Variants in VGLL4 observed in about 807,000 individuals in gnomAD.
VGLL4 encodes the protein transcription cofactor vestigial-like protein 4.
VGLL4 carries 7 observed loss-of-function variants against 21.0 expected under a neutral mutation model. That is an observed-to-expected ratio of 0.33 (90% CI 0.19 to 0.63). VGLL4 has a LOEUF of 0.63. VGLL4 is among the 20% of genes least tolerant of loss of function. VGLL4 has a pLI of 0.78. For missense variants in VGLL4, 394 were observed against 425.7 expected, an observed-to-expected ratio of 0.93 and a Z score of 0.66; for synonymous variants, 222 against 173.2, an observed-to-expected ratio of 1.28 and a Z score of -2.21.
intron 1 of VGLL4, among the ~76,000 whole-genome samples, chr3:11,609,380 A>G (rs2075012666): frequency 6.6e-6 from 1 of 152,232 alleles, no homozygotes; most frequent in Non-Finnish European, 1.5e-5. Context: ...CAATCAACTA[A>G]CAAAATTTTT....
intron 1 of VGLL4, among the ~76,000 whole-genome samples, chr3:11,632,202 A>G (rs1028634575): frequency 6.6e-6 from 1 of 152,154 alleles, no homozygotes; most frequent in Non-Finnish European, 1.5e-5. Flanking sequence ...AGTCCCAGCT[A>G]CTTGGGAGGC....
chr3:11,594,666 T>C (rs2074589168), intron 2 of VGLL4, among the ~76,000 whole-genome samples: 1 of 152,224 alleles, frequency 6.6e-6, no homozygotes, highest in Non-Finnish European at 1.5e-5. Flanking sequence ...TTTAATTCTA[T>C]TACAAATACA....
chr3:11,574,611 A>G (rs1375085505), intron 2 of VGLL4, among the ~76,000 whole-genome samples: 2 of 152,204 alleles, frequency 1.3e-5, no homozygotes, highest in African/African-American at 4.8e-5. Context: ...GCAGTTAACA[A>G]TAATACACTA....
rs182581771 is a variant in VGLL4 at position 11,650,104 on chromosome 3, T to A, written c.65-48082A>T. On this transcript the variant is annotated intron_variant, in intron 2 of 5. Transcript: ENST00000273038. ...ACCGTGTCTGGCTAACTTTTTTTTT[T>A]AATCATTTTTTGTAGAGACAGGTTC... Among the ~76,000 whole-genome samples, 58 of 152,160 alleles carry A rather than the reference T, an allele frequency of 3.8e-4. No homozygotes were observed. The South Asian group carries it at 8.1e-3, about 21-fold the overall frequency.
In VGLL4 at chr3:11,556,904, T is replaced by C. The variant is rs9881151; in HGVS notation, c.*1652A>G. On this transcript the variant is annotated 3_prime_UTR_variant, in exon 5 of 5. Transcript: ENST00000430365. ...GAGAAGGGCTTTTCTTTCCTCCACTTTTCAAAGGCCTGCAGCCACTCTGTG... is the reference window on the plus strand; with the variant it reads ...GAGAAGGGCTTTTCTTTCCTCCACTCTTCAAAGGCCTGCAGCCACTCTGTG... 0.025 allele frequency: 3,781 copies of C among 152,820 alleles called. 61 individuals are homozygous for C. Among genetic ancestry groups the C allele is most frequent in the Middle Eastern group, 0.044 (13 of 294 alleles). The allele number at this position is 152,820 out of a possible 1,614,324, so 9.5% of individuals were successfully genotyped here. A position where few individuals can be genotyped will look rare whatever the true frequency, so the allele number is the denominator to read the frequency against.
intron 2 of VGLL4, among the ~76,000 whole-genome samples, chr3:11,658,933 A>G (rs1575502888): frequency 6.6e-6 from 1 of 152,170 alleles, no homozygotes; most frequent in South Asian, 2.1e-4. Flanking sequence ...AGAAACATCC[A>G]ACATAGGTAC....
intron 2 of VGLL4, among the ~76,000 whole-genome samples, chr3:11,701,818 G>T (rs1229440402): frequency 6.6e-6 from 1 of 152,098 alleles, no homozygotes; most frequent in Non-Finnish European, 1.5e-5. Flanking sequence ...AAATTTTTTT[G>T]TTGTTATTAA....
intron 1 of VGLL4, among the ~76,000 whole-genome samples, chr3:11,705,277 C>T (rs1559955170): frequency 6.6e-6 from 1 of 152,162 alleles, no homozygotes; most frequent in East Asian, 1.9e-4. Context: ...AGGCCAGAGC[C>T]GTGGGCAAGC....
intron 1 of VGLL4, among the ~76,000 whole-genome samples, chr3:11,602,793 C>T (rs993087456): frequency 1.3e-5 from 2 of 152,184 alleles, no homozygotes. Flanking sequence ...TAGGCAATCA[C>T]TTTGTGCCTC....
chr3:11,690,321 T>C (rs1303828382), intron 2 of VGLL4, among the ~76,000 whole-genome samples: 1 of 152,218 alleles, frequency 6.6e-6, no homozygotes, highest in Non-Finnish European at 1.5e-5. Context: ...ATTACAGATG[T>C]TTTAAAATAT....
At position 11,637,930 on chromosome 3, in the gene VGLL4, A is replaced by C. The variant is rs73814962; in HGVS notation, c.82+5507T>G. Among the ~76,000 whole-genome samples the C allele has an allele frequency of 2.2e-3, 342 of 152,346 alleles. 1 individual carries two copies. Among genetic ancestry groups the C allele is most frequent in the African/African-American group, 7.9e-3 (327 of 41,578 alleles). Reference sequence around the variant, plus strand: ...TAAAAAACAGTTGCCATGAGCTTCAATGTGCAATAATAAATACCACTAAAT... The same window carrying C: ...TAAAAAACAGTTGCCATGAGCTTCACTGTGCAATAATAAATACCACTAAAT... On this transcript the variant is annotated intron_variant, in intron 1 of 4. Transcript: ENST00000430365.
chr3:11,681,222 C>A (rs2076364463), intron 2 of VGLL4, among the ~76,000 whole-genome samples: 1 of 152,102 alleles, frequency 6.6e-6, no homozygotes, highest in African/African-American at 2.4e-5. Flanking sequence ...CTCAGCCTCC[C>A]GAGTAGCTGG....
chr3:11,614,377 C>A (rs1052688334), intron 1 of VGLL4, among the ~76,000 whole-genome samples: 4 of 152,368 alleles, frequency 2.6e-5, no homozygotes, highest in Middle Eastern at 3.4e-3. Flanking sequence ...GCCAAACAGG[C>A]GATCTTGCTC....
At chr3:11,564,258 G>C (rs1345865387) in intron 3 of VGLL4, among the ~76,000 whole-genome samples, 2 of 152,038 alleles carry the variant, frequency 1.3e-5, no homozygotes, top group Admixed American at 1.3e-4. Context: ...TCCTTTCATA[G>C]AAAAAAATCC....
rs78418719 is a variant in VGLL4 at position 11,660,912 on chromosome 3, T to C, written c.64+42059A>G. Among the ~76,000 whole-genome samples, 471 of 152,298 alleles carry C rather than the reference T, an allele frequency of 3.1e-3. 7 individuals carry two copies. In the East Asian group the frequency reaches 0.041, roughly 13 times the overall value. ...GTTAACTGAACTTTCATTTCGGCCT[T>C]GTTTCCAATAGATTGAGAAAAAGAT... On this transcript the variant is annotated intron_variant, in intron 2 of 5. Coordinates refer to the VGLL4 transcript ENST00000273038.
intron 4 of VGLL4, 94 bp from the exon 5 acceptor site, chr3:11,558,921 G>A: frequency 6.9e-7 from 1 of 1,444,618 alleles, no homozygotes; most frequent in Admixed American, 1.9e-5. Context: ...CCCAGAGCCG[G>A]ACTGGCTGCC....
chr3:11,665,101 C>CTT lies in VGLL4; in HGVS notation c.64+37868_64+37869dup, dbSNP rs59999510. 2.2e-3 allele frequency among the ~76,000 whole-genome samples: 218 copies of CTT among 96,942 alleles called. 13 individuals carry two copies. Among genetic ancestry groups the CTT allele is most frequent in the Middle Eastern group, 6.2e-3 (1 of 162 alleles). 63.6% of individuals were successfully genotyped at this position (96,942 alleles called of 152,430 possible). A position where few individuals can be genotyped will look rare whatever the true frequency, so the allele number is the denominator to read the frequency against. Reference sequence around the variant, plus strand: ...AAATGAAAGCAATTTGAATATTTTTCTTTTTTTTTTTTTTTTTTTTTTTTT... The same window carrying CTT: ...AAATGAAAGCAATTTGAATATTTTTCTTTTTTTTTTTTTTTTTTTTTTTTTTT... On this transcript the variant is annotated intron_variant, in intron 2 of 5. Transcript: ENST00000273038.
At chr3:11,681,115 T>C (rs2076362370) in intron 2 of VGLL4, among the ~76,000 whole-genome samples, 1 of 152,224 alleles carries the variant, frequency 6.6e-6, no homozygotes, top group African/African-American at 2.4e-5. Flanking sequence ...TGTTTTGTTT[T>C]GAGACGGAGT....
At chr3:11,576,891 C>A (rs997204954) in intron 2 of VGLL4, among the ~76,000 whole-genome samples, 3 of 152,262 alleles carry the variant, frequency 2.0e-5, no homozygotes, top group Admixed American at 1.3e-4. Context: ...CCTCTAGACA[C>A]CCCTGGAGGG....
Sources: allele counts gnomAD v4.1 joint callset (sites outside exome capture counted in the v4.1 genomes callset), GRCh38; gene constraint gnomAD v4.1.1; transcripts MANE v1.5; gene names NCBI Gene and HGNC (gene_info 2026-07-23, HGNC 2026-07-21).